MAD1L1: variants seen among roughly 807,000 people sequenced by gnomAD.
MAD1L1 encodes mitotic arrest deficient 1 like 1, also known as mitotic spindle assembly checkpoint protein MAD1.
MAD1L1 carries 95 observed loss-of-function variants against 96.9 expected under a neutral mutation model. The ratio of observed to expected loss-of-function variants is 0.98; its 90% CI spans 0.83 to 1.16. The LOEUF is 1.16. MAD1L1 is among the 50% of genes most tolerant of loss of function. MAD1L1 has a pLI of 0.00. For synonymous variants in MAD1L1, 473 were observed against 396.6 expected, an observed-to-expected ratio of 1.19 and a Z score of -2.29; for missense variants, 1,007 against 954.4, an observed-to-expected ratio of 1.06 and a Z score of -0.73.
chr7:2,212,683 G>A (rs1368561645), intron 10 of MAD1L1, among the ~76,000 whole-genome samples: 2 of 152,134 alleles, frequency 1.3e-5, no homozygotes, highest in Non-Finnish European at 1.5e-5. Flanking sequence ...ACCAGAAGCC[G>A]AGCAGATGCC....
At chr7:1,972,437 G>A (rs556640624) in intron 15 of MAD1L1, among the ~76,000 whole-genome samples, 49 of 152,274 alleles carry the variant, frequency 3.2e-4, no homozygotes, top group African/African-American at 1.2e-3. Flanking sequence ...TGGCTTGTGG[G>A]TTCTGAGGAG....
chr7:1,892,831 C>T (rs1213561309), intron 18 of MAD1L1, among the ~76,000 whole-genome samples: 1 of 152,220 alleles, frequency 6.6e-6, no homozygotes. Context: ...CAGTGTGTCT[C>T]CCAGATCCCA....
At chr7:2,060,302 G>A (rs1241317347) in intron 12 of MAD1L1, among the ~76,000 whole-genome samples, 3 of 150,116 alleles carry the variant, frequency 2.0e-5, no homozygotes, top group African/African-American at 4.9e-5. Flanking sequence ...GAGATACGCC[G>A]ATCCCGAGAT....
At chr7:1,988,025 C>CACTCACAGTAGGTGAGTAGA (rs1781236472) in intron 14 of MAD1L1, among the ~76,000 whole-genome samples, 1 of 152,178 alleles carries the variant, frequency 6.6e-6, no homozygotes, top group East Asian at 1.9e-4. Flanking sequence ...ACCTGTAGAA[C>CACTCACAGTAGGTGAGTAGA]ACCTACTCAC....
intron 18 of MAD1L1, among the ~76,000 whole-genome samples, chr7:1,851,491 G>A (rs1028654880): frequency 1.3e-5 from 2 of 152,166 alleles, no homozygotes; most frequent in Non-Finnish European, 2.9e-5. Context: ...TGAACTGTGC[G>A]TCACCCCAGT....
chr7:1,903,768 T>C (rs1437868596), intron 17 of MAD1L1, among the ~76,000 whole-genome samples: 1 of 142,680 alleles, frequency 7.0e-6, no homozygotes, highest in Non-Finnish European at 1.5e-5. Flanking sequence ...GAATTCATGA[T>C]TGATGAAGCA....
chr7:2,118,149 C>A (rs745712889), intron 11 of MAD1L1, among the ~76,000 whole-genome samples: 40 of 152,348 alleles, frequency 2.6e-4, no homozygotes, highest in Non-Finnish European at 4.0e-4. Context: ...CGCCAGCCGG[C>A]CACTCCTGAC....
In MAD1L1 at chr7:2,069,353, C is replaced by A; in HGVS notation, c.1074-15G>T. On this transcript the variant is annotated splice_polypyrimidine_tract_variant and intron_variant, in intron 11 of 18. Transcript: ENST00000265854. ...GCCCCCGGGCGCTGCATGGGAGAGA[C>A]AAGAGGGCAAAGCAATGAAGCCTGG... The A allele has an allele frequency of 1.3e-6, 2 of 1,571,880 alleles. No homozygotes were observed. Among genetic ancestry groups the A allele is most frequent in the Non-Finnish European group, 1.7e-6 (2 of 1,165,366 alleles).
At chr7:1,845,547 CCGGCTCTGGTT>C (rs1783563698) in intron 18 of MAD1L1, 2 of 75,048 alleles carry the variant, frequency 2.7e-5, no homozygotes, top group East Asian at 8.9e-4. Context: ...AGACACGCGT[CCGGCTCTGGTT>C]CACGGGGAAG....
At chr7:1,878,214 T>C (rs1487070819) in intron 18 of MAD1L1, among the ~76,000 whole-genome samples, 1 of 151,932 alleles carries the variant, frequency 6.6e-6, no homozygotes, top group Non-Finnish European at 1.5e-5. Context: ...CAAGCCCAGA[T>C]GACCTCACTA....
chr7:1,985,875 G>T (rs958812209), intron 14 of MAD1L1, among the ~76,000 whole-genome samples: 19 of 152,106 alleles, frequency 1.2e-4, no homozygotes, highest in African/African-American at 4.6e-4. Flanking sequence ...CTTGGAGCGT[G>T]TGCGTTCCGC....
At chr7:2,071,553 C>T (rs1785128003) in intron 11 of MAD1L1, among the ~76,000 whole-genome samples, 1 of 152,220 alleles carries the variant, frequency 6.6e-6, no homozygotes, top group Non-Finnish European at 1.5e-5. Context: ...AGCCCCTGGG[C>T]AGCTGCAGGA....
intron 12 of MAD1L1, among the ~76,000 whole-genome samples, chr7:2,015,683 A>G (rs1782506785): frequency 1.3e-5 from 2 of 152,338 alleles, no homozygotes; most frequent in South Asian, 4.1e-4. Flanking sequence ...TTCCAGGCGC[A>G]GGCTGGCGAC....
At chr7:1,984,976 A>ACTTTCCTACTAGACAGTAC (rs1217101324) in intron 14 of MAD1L1, among the ~76,000 whole-genome samples, 1 of 152,176 alleles carries the variant, frequency 6.6e-6, no homozygotes, top group Non-Finnish European at 1.5e-5. Context: ...TCACACCGAT[A>ACTTTCCTACTAGACAGTAC]CTTTCCTACT....
chr7:1,825,723 A>G (rs1225261004), intron 18 of MAD1L1, among the ~76,000 whole-genome samples: 2 of 152,098 alleles, frequency 1.3e-5, no homozygotes, highest in African/African-American at 4.8e-5. Flanking sequence ...CTTCCCTAAA[A>G]CGTCTCAGGG....
intron 18 of MAD1L1, among the ~76,000 whole-genome samples, chr7:1,818,587 T>C (rs1265591934): frequency 2.0e-5 from 3 of 150,934 alleles, no homozygotes; most frequent in African/African-American, 7.3e-5. Context: ...TTAGCTATTT[T>C]GCCCAGGCTG....
chr7:1,939,807 T>G (rs945566075), intron 16 of MAD1L1, among the ~76,000 whole-genome samples: 5 of 151,882 alleles, frequency 3.3e-5, no homozygotes, highest in African/African-American at 4.8e-5. Context: ...TGTGGGCCAC[T>G]GCTCTCCAAG....
At chr7:1,858,082 CT>C (rs545968530) in intron 18 of MAD1L1, among the ~76,000 whole-genome samples, 1 of 152,168 alleles carries the variant, frequency 6.6e-6, no homozygotes, top group Non-Finnish European at 1.5e-5. Flanking sequence ...CATGTGACTG[CT>C]TTTTTTTAAT....
intron 12 of MAD1L1, among the ~76,000 whole-genome samples, chr7:2,057,462 C>T (rs1784429027): frequency 6.6e-6 from 1 of 152,100 alleles, no homozygotes. Flanking sequence ...TGCAGTGAGC[C>T]AAGATTGCAC....
Sources: gnomAD v4.1 joint callset for allele counts (sites outside exome capture counted in the v4.1 genomes callset) on GRCh38, gnomAD v4.1.1 for gene constraint, MANE v1.5 for transcripts, NCBI Gene and HGNC (gene_info 2026-07-23, HGNC 2026-07-21) for gene names.